DYNC2H1: variants seen among roughly 807,000 people sequenced by gnomAD.
The protein encoded by DYNC2H1 is dynein cytoplasmic 2 heavy chain 1.
In DYNC2H1, 410 loss-of-function variants were observed where a neutral mutation model predicts 570.0. The observed-to-expected ratio is 0.72, with a 90% CI of 0.66 to 0.78. The LOEUF is 0.78. Ranked by LOEUF, DYNC2H1 falls within the 30% of genes least tolerant of loss-of-function variation. The pLI is 0.00. For synonymous variants in DYNC2H1, 1,688 were observed against 1,677.6 expected (o/e 1.01, Z -0.15); for missense variants, 4,865 against 5,046.4 (o/e 0.96, Z 1.09).
intron 88 of DYNC2H1, chr11:103,474,014 C>A: frequency 6.0e-6 from 1 of 166,474 alleles, no homozygotes; most frequent in Non-Finnish European, 1.4e-5. Flanking sequence ...GTTGAAAGTT[C>A]TGCCTTCTAT....
Position 103,256,308 on chromosome 11 carries a change from A to C in DYNC2H1, c.10461+68A>C. ...AACATTTAGGTTAATATGATAGAAAATGTAGAATCAGGTCCTCAGGGGAAA... is the reference window on the plus strand; with the variant it reads ...AACATTTAGGTTAATATGATAGAAACTGTAGAATCAGGTCCTCAGGGGAAA... On this transcript the variant is annotated intron_variant, in intron 68 of 88. Transcript: ENST00000375735. The surrounding 1 kb of genome is among the most constrained non-coding windows in gnomAD (Gnocchi z 4.0). 6.9e-7 allele frequency: 1 copy of C among 1,450,098 alleles called. No individual in the cohort carries two copies. Among genetic ancestry groups the C allele is most frequent in the Non-Finnish European group, 9.3e-7 (1 of 1,074,592 alleles). 89.8% of individuals were successfully genotyped at this position (1,450,098 alleles called of 1,614,324 possible).
intron 75 of DYNC2H1, among the ~76,000 whole-genome samples, chr11:103,298,647 A>G (rs1252377264): frequency 7.9e-5 from 12 of 152,116 alleles, no homozygotes; most frequent in Admixed American, 7.9e-4. Context: ...AATTGTTTTA[A>G]TGTAAAATTG....
rs561479621 is a variant in DYNC2H1, at chr11:103,342,466, G to A, written c.12040-15777G>A. Among the ~76,000 whole-genome samples, 37 of 151,080 alleles carry A rather than the reference G, an allele frequency of 2.4e-4. 1 individual carries two copies. The highest frequency in any genetic ancestry group is 8.4e-4 in the South Asian group (4 of 4,764). ...TGGAACCTTTGTTCTTTCACTCTTC[G>A]CAATAAATCTTGCTGCAGCTCACTC... is the stretch of plus-strand genomic sequence containing the variant. On this transcript the variant is annotated intron_variant, in intron 82 of 88. Coordinates refer to ENST00000375735, the MANE Select transcript of DYNC2H1 (RefSeq NM_001377.3).
rs1555076328 is a variant in DYNC2H1 at position 103,233,830 on chromosome 11, A to ATATG, written c.9441-203_9441-202insATGT. On this transcript the variant is annotated intron_variant, in intron 60 of 88. Coordinates refer to ENST00000375735, the MANE Select transcript of DYNC2H1 (RefSeq NM_001377.3). ...TTTGAGGTAGAGAATGCTACACTTT[A>ATATG]TGTGTGTGTGTGTGTGTGTGTGTGT... Among the ~76,000 whole-genome samples the ATATG allele has an allele frequency of 0.094, 7,094 of 75,744 alleles. 300 individuals carry two copies. The highest frequency in any genetic ancestry group is 0.11 in the African/African-American group (2,782 of 24,990). 49.7% of individuals were successfully genotyped at this position (75,744 alleles called of 152,430 possible).
intron 75 of DYNC2H1, among the ~76,000 whole-genome samples, chr11:103,293,388 A>T (rs6591009): frequency 0.17 from 25,108 of 152,054 alleles, 2,256 homozygotes; most frequent in Admixed American, 0.25. Context: ...ATTATATGCC[A>T]TGAAGAAGTC....
At chr11:103,392,851 C>T (rs1033252256) in intron 83 of DYNC2H1, among the ~76,000 whole-genome samples, 13 of 151,138 alleles carry the variant, frequency 8.6e-5, no homozygotes, top group Non-Finnish European at 1.5e-4. Context: ...TCTTCATAAC[C>T]CACCCTTCTC....
At chr11:103,279,741 A>G (rs976389717) in intron 70 of DYNC2H1, among the ~76,000 whole-genome samples, 1 of 152,138 alleles carries the variant, frequency 6.6e-6, no homozygotes, top group African/African-American at 2.4e-5. Flanking sequence ...GTACTGGGTT[A>G]TCTGATAGTT....
Position 103,203,539 on chromosome 11 carries a change from T to C in DYNC2H1, c.8198-124T>C, listed in dbSNP as rs1353129568. ...TATAGATAAAGATTTGTGAGTCAAGTAGAGGTAATAAAGTTTGTATATTTT... is the reference window on the plus strand; with the variant it reads ...TATAGATAAAGATTTGTGAGTCAAGCAGAGGTAATAAAGTTTGTATATTTT... On this transcript the variant is annotated intron_variant, in intron 50 of 88. Coordinates refer to ENST00000375735, the MANE Select transcript of DYNC2H1 (RefSeq NM_001377.3). This position sits in a 1 kb window ranked among gnomAD's most constrained non-coding sequence, Gnocchi z 4.7. 9 of 619,470 alleles carry C rather than the reference T, an allele frequency of 1.5e-5. No individual in the cohort carries two copies. Among genetic ancestry groups the C allele is most frequent in the Non-Finnish European group, 2.2e-5 (8 of 368,844 alleles). The allele number at this position is 619,470 out of a possible 1,614,324, so 38.4% of individuals were successfully genotyped here.
chr11:103,419,106 C>G (rs542464527), intron 84 of DYNC2H1, among the ~76,000 whole-genome samples: 46 of 150,838 alleles, frequency 3.0e-4, no homozygotes, highest in African/African-American at 1.1e-3. Context: ...TTCTGGCCAG[C>G]CCACAGCAAC....
chr11:103,397,019 AT>A (rs1381560398), intron 83 of DYNC2H1, among the ~76,000 whole-genome samples: 23 of 152,314 alleles, frequency 1.5e-4, no homozygotes, highest in African/African-American at 5.3e-4. Context: ...AATAGTGCAC[AT>A]TGTACTTCAT....
rs1409447537 is a variant in DYNC2H1 at position 103,199,557 on chromosome 11, G to A, written c.8088+81G>A. 3.1e-6 allele frequency: 4 copies of A among 1,310,450 alleles called. No homozygotes were observed. Among genetic ancestry groups the A allele is most frequent in the Non-Finnish European group, 4.0e-6 (4 of 1,009,010 alleles). 81.2% of individuals were successfully genotyped at this position (1,310,450 alleles called of 1,614,324 possible). ...TCTAAACATCTTTAAAGACCTAAAGGTTTAAAGAACTAAAGTTTTAAAGAA... is the reference window on the plus strand; with the variant it reads ...TCTAAACATCTTTAAAGACCTAAAGATTTAAAGAACTAAAGTTTTAAAGAA... On this transcript the variant is annotated intron_variant, in intron 49 of 88. Coordinates refer to ENST00000375735, the MANE Select transcript of DYNC2H1 (RefSeq NM_001377.3). This position sits in a 1 kb window ranked among gnomAD's most constrained non-coding sequence, Gnocchi z 4.6.
chr11:103,168,810 T>C lies in DYNC2H1; in HGVS notation c.4818T>C (p.Asn1606=). Residue 1606 remains asparagine (N), a synonymous_variant, in exon 32 of 89, where the codon AAT becomes AAC. Transcript: ENST00000375735. ...CCCTAATTCTTGACATTATCCATAA[T>C]ATTGATGTGGTAAAGCAGTTAAACC... ...LKALILDIIH[N]IDVVKQLNQI... 9 of 1,613,314 alleles carry C rather than the reference T, an allele frequency of 5.6e-6. No individual in the cohort carries two copies. The highest frequency in any genetic ancestry group is 7.6e-6 in the Non-Finnish European group (9 of 1,179,554).
intron 85 of DYNC2H1, among the ~76,000 whole-genome samples, chr11:103,451,555 T>A (rs773739419): frequency 6.6e-6 from 1 of 151,988 alleles, no homozygotes; most frequent in Non-Finnish European, 1.5e-5. Context: ...ATGGTCTCGA[T>A]CTCTTGACCT....
chr11:103,428,297 C>G (rs1203600189), intron 84 of DYNC2H1, among the ~76,000 whole-genome samples: 1 of 102,554 alleles, frequency 9.8e-6, no homozygotes, highest in Non-Finnish European at 1.9e-5. Flanking sequence ...TATTTATTGC[C>G]CACCTACCAT....
chr11:103,155,505 TG>T lies in DYNC2H1; in HGVS notation c.3744+5del. 6.2e-7 allele frequency: 1 copy of T among 1,601,764 alleles called. No individual in the cohort carries two copies. Among genetic ancestry groups the T allele is most frequent in the Non-Finnish European group, 8.5e-7 (1 of 1,175,852 alleles). On this transcript the variant is annotated splice_donor_5th_base_variant and intron_variant, in intron 25 of 88. Transcript: ENST00000375735. ...AGCCAAAGCTGCCGACCTTAAAGTA[TG>T]AATCACTTTTATAAATATCCCATAA...
At chr11:103,188,181 C>T (rs1159390229) in intron 43 of DYNC2H1, among the ~76,000 whole-genome samples, 1 of 151,858 alleles carries the variant, frequency 6.6e-6, no homozygotes, top group Non-Finnish European at 1.5e-5. Context: ...AAATATTTTT[C>T]TCATATTTTT....
intron 80 of DYNC2H1, among the ~76,000 whole-genome samples, chr11:103,320,677 T>A (rs1565492840): frequency 6.6e-6 from 1 of 152,216 alleles, no homozygotes; most frequent in Non-Finnish European, 1.5e-5. Context: ...TCAGATAATC[T>A]GACTGGATTC....
At chr11:103,408,889 C>T (rs989156328) in intron 84 of DYNC2H1, among the ~76,000 whole-genome samples, 3 of 151,956 alleles carry the variant, frequency 2.0e-5, no homozygotes, top group Non-Finnish European at 2.9e-5. Flanking sequence ...TGGGTTAGGG[C>T]GAGTTTCTAT....
In DYNC2H1 at chr11:103,148,628, C is replaced by A; in HGVS notation, c.2946+11C>A. The A allele has an allele frequency of 6.5e-7, 1 of 1,548,596 alleles. No individual in the cohort carries two copies. Among genetic ancestry groups the A allele is most frequent in the Non-Finnish European group, 8.7e-7 (1 of 1,148,024 alleles). ...GAACGGAAGCCAGAGGTGAGAATCA[C>A]AAAGTAAAATTATTATTATTACTTT... On this transcript the variant is annotated intron_variant, in intron 20 of 88. Transcript: ENST00000375735.
Sources: allele counts gnomAD v4.1 joint callset (sites outside exome capture counted in the v4.1 genomes callset), GRCh38; gene constraint gnomAD v4.1.1; non-coding constraint Gnocchi (gnomAD v3.1); transcripts MANE v1.5; gene names NCBI Gene and HGNC (gene_info 2026-07-23, HGNC 2026-07-21).